The following HECW2 variants were observed in gnomAD, a reference collection of about 807,000 sequenced individuals.
HECW2 encodes the protein HECT, C2 and WW domain containing E3 ubiquitin protein ligase 2, also known as E3 ubiquitin-protein ligase HECW2.
In HECW2, 61 loss-of-function variants were observed where a neutral mutation model predicts 175.2. The ratio of observed to expected loss-of-function variants is 0.35; its 90% confidence interval spans 0.28 to 0.43. The LOEUF is 0.43. Ranked by LOEUF, HECW2 falls within the 20% of genes least tolerant of loss-of-function variation. The probability of loss-of-function intolerance (pLI) is 1.00; values close to 1 mark genes in which losing one functional copy is unlikely to be tolerated. For missense variants in HECW2, 1,524 were observed against 2,000.5 expected (o/e 0.76, Z 4.54); for synonymous variants, 671 against 731.0 (o/e 0.92, Z 1.32).
At chr2:196,248,621 C>G (rs1391631760) in intron 19 of HECW2, among the ~76,000 whole-genome samples, 80 of 138,264 alleles carry the variant, frequency 5.8e-4, no homozygotes, top group African/African-American at 1.9e-3. Flanking sequence ...CACACACACA[C>G]ACACACACAC....
intron 1 of HECW2, among the ~76,000 whole-genome samples, chr2:196,546,834 AAGAG>A (rs1553536439): frequency 1.3e-5 from 2 of 152,012 alleles, no homozygotes; most frequent in South Asian, 2.1e-4. Flanking sequence ...AAAAAAAAAA[AAGAG>A]AGAAAGTAAA....
At chr2:196,511,080 C>T (rs1026360499) in intron 1 of HECW2, among the ~76,000 whole-genome samples, 5 of 152,172 alleles carry the variant, frequency 3.3e-5, no homozygotes, top group African/African-American at 9.7e-5. Context: ...ATCCATGCAC[C>T]TCTGCCTCCC....
intron 1 of HECW2, among the ~76,000 whole-genome samples, chr2:196,520,703 C>G (rs1183303052): frequency 6.6e-6 from 1 of 152,146 alleles, no homozygotes; most frequent in Non-Finnish European, 1.5e-5. Flanking sequence ...CAGTTTGTAA[C>G]ACAATACTCA....
intron 1 of HECW2, among the ~76,000 whole-genome samples, chr2:196,539,752 T>C (rs1009541018): frequency 2.6e-5 from 4 of 152,210 alleles, no homozygotes; most frequent in African/African-American, 9.6e-5. Context: ...AGTAAGTATT[T>C]TGTTTATTAG....
At chr2:196,332,221 T>C (rs1036331624) in intron 4 of HECW2, among the ~76,000 whole-genome samples, 1 of 152,222 alleles carries the variant, frequency 6.6e-6, no homozygotes, top group Non-Finnish European at 1.5e-5. Flanking sequence ...GTCTATTCTT[T>C]GTATCTGGCC....
chr2:196,224,791 G>A (rs1051012263), intron 23 of HECW2, among the ~76,000 whole-genome samples: 3 of 152,178 alleles, frequency 2.0e-5, no homozygotes, highest in African/African-American at 7.2e-5. Context: ...GCTTAAATGA[G>A]AAGATAAGAG....
At chr2:196,474,784 T>C (rs1686499238) in intron 1 of HECW2, among the ~76,000 whole-genome samples, 1 of 152,214 alleles carries the variant, frequency 6.6e-6, no homozygotes, top group South Asian at 2.1e-4. Flanking sequence ...CCAGGGTAGG[T>C]AAGTTTTTGA....
chr2:196,344,466 T>C (rs1692880340), intron 2 of HECW2, among the ~76,000 whole-genome samples: 1 of 152,038 alleles, frequency 6.6e-6, no homozygotes, highest in South Asian at 2.1e-4. Context: ...GTAGTATTTG[T>C]ATGGCAACAC....
chr2:196,264,340 G>GACATTTT (rs1425223446), intron 17 of HECW2: 1 of 152,144 alleles, frequency 6.6e-6, no homozygotes, highest in African/African-American at 2.4e-5. Context: ...AAAGGAAAAT[G>GACATTTT]ACATTTTACT....
chr2:196,439,332 G>A (rs544897307), intron 1 of HECW2, among the ~76,000 whole-genome samples: 1 of 152,302 alleles, frequency 6.6e-6, no homozygotes, highest in South Asian at 2.1e-4. Flanking sequence ...AAATGCTGAA[G>A]ACCAACTTTA....
intron 14 of HECW2, among the ~76,000 whole-genome samples, chr2:196,285,744 C>T (rs1320734851): frequency 1.3e-5 from 2 of 152,164 alleles, no homozygotes; most frequent in Non-Finnish European, 2.9e-5. Context: ...TACAGTTTAT[C>T]CTCAGTAAAA....
chr2:196,240,101 C>T (rs1350506811), intron 21 of HECW2: 1 of 162,710 alleles, frequency 6.1e-6, no homozygotes, highest in Non-Finnish European at 1.3e-5. Context: ...AAAATAAGAT[C>T]ACAGATCACA....
intron 27 of HECW2, 30 bp from the exon 28 acceptor site, chr2:196,216,007 G>A (rs755483040): frequency 2.0e-6 from 3 of 1,518,820 alleles, no homozygotes; most frequent in Non-Finnish European, 2.7e-6. Flanking sequence ...GAAGGAGAAG[G>A]TGAAGCCAGA....
chr2:196,226,875 C>G (rs539143893), intron 22 of HECW2, among the ~76,000 whole-genome samples: 1 of 152,252 alleles, frequency 6.6e-6, no homozygotes, highest in South Asian at 2.1e-4. Flanking sequence ...TTTCAAGGCT[C>G]AATTCTATTC....
At chr2:196,561,388 G>A (rs964395119) in intron 1 of HECW2, among the ~76,000 whole-genome samples, 2 of 152,160 alleles carry the variant, frequency 1.3e-5, no homozygotes, top group African/African-American at 4.8e-5. Context: ...AGTGGGACAT[G>A]GAACTTCATT....
chr2:196,458,150 G>A (rs908933290), intron 1 of HECW2, among the ~76,000 whole-genome samples: 19 of 152,008 alleles, frequency 1.2e-4, no homozygotes, highest in African/African-American at 4.6e-4. Context: ...CATGCCTATT[G>A]TCTCAGCTAC....
intron 1 of HECW2, among the ~76,000 whole-genome samples, chr2:196,489,128 G>A (rs1575600186): frequency 6.6e-6 from 1 of 152,184 alleles, no homozygotes; most frequent in Non-Finnish European, 1.5e-5. Flanking sequence ...GGAATTTACA[G>A]AGGTAATAAG....
intron 1 of HECW2, among the ~76,000 whole-genome samples, chr2:196,514,563 T>C (rs973547397): frequency 6.6e-6 from 1 of 152,086 alleles, no homozygotes; most frequent in Non-Finnish European, 1.5e-5. Context: ...GAACTTATGG[T>C]GCTTTTTCCC....
At chr2:196,297,636 T>C (rs1055858217) in intron 13 of HECW2, among the ~76,000 whole-genome samples, 2 of 152,230 alleles carry the variant, frequency 1.3e-5, no homozygotes, top group African/African-American at 2.4e-5. Flanking sequence ...AGTACATTAC[T>C]GATAAATAAA....
Sources: gnomAD v4.1 joint callset for allele counts (sites outside exome capture counted in the v4.1 genomes callset) on GRCh38, gnomAD v4.1.1 for gene constraint, MANE v1.5 for transcripts, NCBI Gene and HGNC (gene_info 2026-07-23, HGNC 2026-07-21) for gene names.